MUC20: variants seen among roughly 807,000 people sequenced by gnomAD.
MUC20 encodes mucin 20, cell surface associated.
In MUC20, 14 loss-of-function variants were observed where a neutral mutation model predicts 23.8. That is an observed-to-expected ratio of 0.59 (90% CI 0.39 to 0.92). The LOEUF (loss-of-function observed/expected upper bound fraction) is 0.92, where lower values mean the gene tolerates loss of function less well. Ranked by LOEUF, MUC20 falls within the 40% of genes least tolerant of loss-of-function variation. The pLI is 0.00. For synonymous variants in MUC20, 166 were observed against 279.3 expected, an observed-to-expected ratio of 0.59 and a Z score of 4.04; for missense variants, 375 against 668.8, an observed-to-expected ratio of 0.56 and a Z score of 4.85.
chr3:195,725,934 T>A lies in MUC20; in HGVS notation c.1331T>A (p.Leu444His), dbSNP rs138659995. ...ATCCCTGGGGCCTCAGACACAGATCTCATCCCCACGGAAGGGGTGAAGGCC... is the reference window on the plus strand; with the variant it reads ...ATCCCTGGGGCCTCAGACACAGATCACATCCCCACGGAAGGGGTGAAGGCC... ...SSIPGASDTDLIPTEGVKASS... is the reference protein window; with the variant it reads ...SSIPGASDTDHIPTEGVKASS... The change falls in exon 2 of 4, where the codon CTC (leucine) becomes CAC (histidine). Residue 444 changes from leucine (L) to histidine (H), a missense_variant. Around this residue, in one of 4 missense-constraint regions of MUC20, gnomAD observed 343 missense variants for 340.2 expected, o/e 1.01. Transcript: ENST00000447234. 2 of 1,439,110 alleles carry A rather than the reference T, an allele frequency of 1.4e-6. No individual in the cohort carries two copies. The highest frequency in any genetic ancestry group is 1.9e-6 in the Non-Finnish European group (2 of 1,030,698). 89.1% of individuals were successfully genotyped at this position (1,439,110 alleles called of 1,614,324 possible).
chr3:195,729,798 G>T, intron 3 of MUC20, 59 bp downstream of exon 3: 3 of 1,480,906 alleles, frequency 2.0e-6, no homozygotes, highest in African/African-American at 1.4e-5. Context: ...CGCAGGGGCT[G>T]CAGGGAAGAC....
intron 3 of MUC20, 89 bp from the exon 4 acceptor site, chr3:195,733,061 T>C: frequency 7.1e-7 from 1 of 1,414,902 alleles, no homozygotes; most frequent in Non-Finnish European, 9.8e-7. Context: ...CCGCATGCAC[T>C]CTGCCCCAGT....
At chr3:195,729,314 C>CTT (rs10575022) in intron 2 of MUC20, 100 of 171,262 alleles carry the variant, frequency 5.8e-4, no homozygotes, top group Middle Eastern at 2.1e-3. Context: ...TCATCCTCCT[C>CTT]TTTTTTTTTT....
In MUC20 at chr3:195,726,503, A is replaced by G. The variant is rs1712691089; in HGVS notation, c.1900A>G (p.Thr634Ala). ...TLAKITTSAK[T>A]TMKPPTATPT... ...AGCCAAGATCACAACCTCAGCGAAG[A>G]CCACGATGAAGCCCCCAACAGCCAC... is the stretch of plus-strand genomic sequence containing the variant. Residue 634 changes from threonine to alanine, a missense_variant, in exon 2 of 4, where the codon ACC (threonine) becomes GCC (alanine). Thr to Ala is a moderately conservative substitution (Grantham distance 58). Coordinates refer to ENST00000447234, the MANE Select transcript of MUC20 (RefSeq NM_001282506.2). 1 of 1,613,966 alleles carries G rather than the reference A, an allele frequency of 6.2e-7. No individual in the cohort carries two copies. Among genetic ancestry groups the G allele is most frequent in the African/African-American group, 1.3e-5 (1 of 74,952 alleles).
In MUC20 at chr3:195,726,394, G is replaced by A; in HGVS notation, c.1791G>A (p.Lys597=). 1 of 1,613,998 alleles carries A rather than the reference G, an allele frequency of 6.2e-7. No homozygotes were observed. The highest frequency in any genetic ancestry group is 8.5e-7 in the Non-Finnish European group (1 of 1,179,872). The change falls in exon 2 of 4, where the codon AAG becomes AAA. Residue 597 remains lysine (K), a synonymous_variant. Coordinates refer to ENST00000447234, the MANE Select transcript of MUC20 (RefSeq NM_001282506.2). ...CACCGACCATGGACATCGCAACCAA[G>A]GGGCCCTTCCCCACCAGCAGGGACC... ...SETPTMDIAT[K]GPFPTSRDPL...
chr3:195,723,366 T>C (rs1271674228), intron 1 of MUC20, among the ~76,000 whole-genome samples: 1 of 109,464 alleles, frequency 9.1e-6, no homozygotes, highest in African/African-American at 4.0e-5. Flanking sequence ...TCAAACCCTG[T>C]GCCAGGGGAG....
chr3:195,725,657 G>C lies in MUC20; in HGVS notation c.1054G>C (p.Asp352His). 3.6e-5 allele frequency: 5 copies of C among 140,688 alleles called. 2 individuals carry two copies. The highest frequency in any genetic ancestry group is 5.1e-5 in the Non-Finnish European group (4 of 78,450). 8.7% of individuals were successfully genotyped at this position (140,688 alleles called of 1,614,324 possible). The change falls in exon 2 of 4, where the codon GAC (aspartate) becomes CAC (histidine). Residue 352 changes from aspartate to histidine, a missense_variant. Coordinates refer to ENST00000447234, the MANE Select transcript of MUC20 (RefSeq NM_001282506.2). ...SRASESSASS[D>H]GLHPVITPSR... Reference sequence around the variant, plus strand: ...GGCCTCAGAGAGCAGCGCCTCTTCCGACGGCCTCCATCCAGTCATCACCCC... The same window carrying C: ...GGCCTCAGAGAGCAGCGCCTCTTCCCACGGCCTCCATCCAGTCATCACCCC...
At chr3:195,731,270 C>T (rs987985757) in intron 3 of MUC20, among the ~76,000 whole-genome samples, 1 of 152,256 alleles carries the variant, frequency 6.6e-6, no homozygotes, top group South Asian at 2.1e-4. Flanking sequence ...TCCTGTCATC[C>T]CTTGCAAGGG....
chr3:195,729,994 A>G (rs1219058891), intron 3 of MUC20: 2 of 506,466 alleles, frequency 3.9e-6, no homozygotes, highest in Non-Finnish European at 7.0e-6. Context: ...TGGTCCTTGG[A>G]AGCTTGGCCT....
rs1713590363 is a variant in MUC20 at position 195,733,279 on chromosome 3, G to C, written c.*61G>C. On this transcript the variant is annotated 3_prime_UTR_variant, in exon 4 of 4. Transcript: ENST00000447234. ...CAAAAGAGGGTGCTGCCCCTAGCCTGGGCCCCCACCGACAGACTGCAGCTG... is the reference window on the plus strand; with the variant it reads ...CAAAAGAGGGTGCTGCCCCTAGCCTCGGCCCCCACCGACAGACTGCAGCTG... The C allele has an allele frequency of 2.6e-6, 4 of 1,554,708 alleles. No homozygotes were observed. Among genetic ancestry groups the C allele is most frequent in the Non-Finnish European group, 3.5e-6 (4 of 1,149,060 alleles).
rs770482640 is a variant in MUC20, at chr3:195,726,537, C to A, written c.1934C>A (p.Thr645Asn). 6.8e-6 allele frequency: 11 copies of A among 1,614,004 alleles called. No individual in the cohort carries two copies. In the East Asian group the frequency reaches 2.2e-4, roughly 33 times the overall value. Residue 645 changes from threonine to asparagine, a missense_variant, in exon 2 of 4, where the codon ACT becomes AAT. Physicochemically the swap from Thr to Asn is moderately conservative, Grantham distance 65 (BLOSUM62 0). Transcript: ENST00000447234. The stretch of plus-strand genomic sequence containing the variant: ...AAGCCCCCAACAGCCACGCCCACGA[C>A]TGCCCGGACGAGGCCGACCACAGAC... ...TMKPPTATPT[T>N]ARTRPTTDVS...
intron 2 of MUC20, among the ~76,000 whole-genome samples, chr3:195,728,661 C>A (rs1472574799): frequency 2.6e-5 from 4 of 152,162 alleles, no homozygotes; most frequent in Admixed American, 1.3e-4. Context: ...TACTAATCCA[C>A]CTCAGCACAG....
intron 2 of MUC20, among the ~76,000 whole-genome samples, chr3:195,727,158 G>C (rs1371922747): frequency 6.6e-6 from 1 of 152,264 alleles, no homozygotes. Flanking sequence ...CCAGCACTTT[G>C]GGAGGCAGAG....
chr3:195,728,652 A>G (rs1197883202), intron 2 of MUC20, among the ~76,000 whole-genome samples: 40 of 151,950 alleles, frequency 2.6e-4, no homozygotes, highest in South Asian at 4.2e-4. Context: ...ATCCTCTTTT[A>G]CTAATCCACC....
intron 3 of MUC20, 118 bp downstream of exon 3, chr3:195,729,857 T>C: frequency 1.0e-6 from 1 of 999,516 alleles, no homozygotes; most frequent in East Asian, 2.6e-5. Flanking sequence ...GAGTCTCGTT[T>C]CTTACGGAGA....
rs1339594949 is a variant in MUC20, at chr3:195,729,730, G to T, written c.2052G>T (p.Leu684=). ...CTGACCCCAGAGTGGCAGAAAGGCT[G>T]ATGCAGCAGGTGAGTGGGCACTTTC... ...DLTDPRVAER[L]MQQLHRELHA... The change falls in exon 3 of 4, where the codon CTG becomes CTT. Residue 684 remains leucine, a synonymous_variant. Transcript: ENST00000447234. 1.9e-6 allele frequency: 3 copies of T among 1,595,240 alleles called. No homozygotes were observed.
Position 195,726,038 on chromosome 3 carries a change from G to C in MUC20, c.1435G>C (p.Glu479Gln), listed in dbSNP as rs200670251. 53 of 1,613,824 alleles carry C rather than the reference G, an allele frequency of 3.3e-5. No homozygotes were observed. The highest frequency in any genetic ancestry group is 4.4e-5 in the Non-Finnish European group (52 of 1,179,884). Residue 479 changes from glutamate (E) to glutamine (Q), a missense_variant, in exon 2 of 4, where the codon GAG becomes CAG. Glu to Gln is a conservative substitution (Grantham distance 29). This residue lies in a region of MUC20 where 343 missense variants were observed against 340.2 expected (regional missense o/e 1.01). Transcript: ENST00000447234. ...CATCACTGAGGTCACAGCCTCTGCC[G>C]AGACCCTGTCCACAGCCGGCACCAC... Reference protein sequence around the residue: ...PHITEVTASAETLSTAGTTES... With the variant: ...PHITEVTASAQTLSTAGTTES...
At chr3:195,730,120 A>AG (rs1713223192) in intron 3 of MUC20, 1 of 187,322 alleles carries the variant, frequency 5.3e-6, no homozygotes, top group Non-Finnish European at 1.1e-5. Context: ...AAAAAAAAAA[A>AG]AAGGCAAGGT....
In MUC20 at chr3:195,730,520, G is replaced by GTTT. The variant is rs72121428; in HGVS notation, c.2061+790_2061+792dup. 3.9e-3 allele frequency among the ~76,000 whole-genome samples: 580 copies of GTTT among 148,396 alleles called. 7 individuals are homozygous for GTTT. The highest frequency in any genetic ancestry group is 0.013 in the African/African-American group (538 of 40,706). The stretch of plus-strand genomic sequence containing the variant: ...GCCACCACGCCCAACTAATTTTTAT[G>GTTT]TTTTTTTTTTTAGTAGAGACGGGGT... On this transcript the variant is annotated intron_variant, in intron 3 of 3. Coordinates refer to ENST00000447234, the MANE Select transcript of MUC20 (RefSeq NM_001282506.2).
Sources: gnomAD v4.1 joint callset for allele counts (sites outside exome capture counted in the v4.1 genomes callset) on GRCh38, gnomAD v4.1.1 for gene constraint, gnomAD v4.1.1 regional missense constraint, MANE v1.5 for transcripts, NCBI Gene and HGNC (gene_info 2026-07-23, HGNC 2026-07-21) for gene names.